DPYSL3: variants seen among roughly 807,000 people sequenced by gnomAD.
DPYSL3 encodes dihydropyrimidinase-related protein 3.
Under a neutral mutation model 66.1 loss-of-function variants are expected in DPYSL3, and 16 were observed. The observed-to-expected ratio is 0.24, with a 90% CI of 0.16 to 0.37. DPYSL3 has a LOEUF of 0.37. Ranked by LOEUF, DPYSL3 falls within the 10% of genes least tolerant of loss-of-function variation. DPYSL3 has a pLI of 1.00. For missense variants in DPYSL3, 738 were observed against 916.2 expected (o/e 0.81, Z 2.51); for synonymous variants, 338 against 345.1 (o/e 0.98, Z 0.23).
At chr5:147,479,295 T>C (rs1394085082) in intron 1 of DPYSL3, among the ~76,000 whole-genome samples, 2 of 152,192 alleles carry the variant, frequency 1.3e-5, no homozygotes, top group African/African-American at 4.8e-5. Flanking sequence ...TAAACCCTGG[T>C]TGTGTCTACT....
chr5:147,393,870 A>C lies in DPYSL3; in HGVS notation c.*165T>G. ...ACAGAAAACAAAGCAATATTCGTAA[A>C]GCTAGGCAAGCGAGCGTAACATTGG... On this transcript the variant is annotated 3_prime_UTR_variant, in exon 14 of 14. Coordinates refer to ENST00000343218, the MANE Select transcript of DPYSL3 (RefSeq NM_001197294.2). The C allele has an allele frequency of 1.4e-6, 1 of 705,736 alleles. No homozygotes were observed. The allele number at this position is 705,736 out of a possible 1,614,324, so 43.7% of individuals were successfully genotyped here.
chr5:147,480,706 T>TATATATA (rs953765443), intron 1 of DPYSL3, among the ~76,000 whole-genome samples: 1 of 42,538 alleles, frequency 2.4e-5, no homozygotes, highest in African/African-American at 1.0e-4. Flanking sequence ...TATATATATA[T>TATATATA]TATTATTATT....
Position 147,509,961 on chromosome 5 carries a change from C to G in DPYSL3, c.-103G>C. The stretch of plus-strand genomic sequence containing the variant: ...CCACAGTGACTGTGGCGGGAGGAGG[C>G]GCCTGAGCCTTCGCGCCAGAGGCGG... On this transcript the variant is annotated 5_prime_UTR_variant, in exon 1 of 14. Transcript: ENST00000343218. The surrounding 1 kb of genome is among the most constrained non-coding windows in gnomAD (Gnocchi z 5.3). The G allele has an allele frequency of 7.0e-7, 1 of 1,426,120 alleles. No individual in the cohort carries two copies. Among genetic ancestry groups the G allele is most frequent in the Non-Finnish European group, 9.2e-7 (1 of 1,091,908 alleles). The allele number at this position is 1,426,120 out of a possible 1,614,324, so 88.3% of individuals were successfully genotyped here. A position where few individuals can be genotyped will look rare whatever the true frequency, so the allele number is the denominator to read the frequency against.
intron 1 of DPYSL3, among the ~76,000 whole-genome samples, chr5:147,429,409 A>T (rs74608424): frequency 6.6e-6 from 1 of 152,044 alleles, no homozygotes; most frequent in Non-Finnish European, 1.5e-5. Flanking sequence ...CTCTCAGAGC[A>T]TCGTTTTTTT....
In DPYSL3 at chr5:147,393,797, G is replaced by A; in HGVS notation, c.*238C>T. 1 of 536,458 alleles carries A rather than the reference G, an allele frequency of 1.9e-6. No individual in the cohort carries two copies. The highest frequency in any genetic ancestry group is 3.4e-6 in the Non-Finnish European group (1 of 298,222). 33.2% of individuals were successfully genotyped at this position (536,458 alleles called of 1,614,324 possible). A position where few individuals can be genotyped will look rare whatever the true frequency, so the allele number is the denominator to read the frequency against. ...ACCTTAGTGGCCTGTCTGATTGCAT[G>A]CATGTAAATGGGGGGAGGGGAGTCA... On this transcript the variant is annotated 3_prime_UTR_variant, in exon 14 of 14. Coordinates refer to ENST00000343218, the MANE Select transcript of DPYSL3 (RefSeq NM_001197294.2).
chr5:147,491,544 T>G (rs1374964831), intron 1 of DPYSL3, among the ~76,000 whole-genome samples: 1 of 151,912 alleles, frequency 6.6e-6, no homozygotes, highest in Non-Finnish European at 1.5e-5. Context: ...GTAGAAAAAG[T>G]AGACAACATG....
In DPYSL3 at chr5:147,499,784, G is replaced by A. The variant is rs55842442; in HGVS notation, c.381+9694C>T. On this transcript the variant is annotated intron_variant, in intron 1 of 13. Coordinates refer to ENST00000343218, the MANE Select transcript of DPYSL3 (RefSeq NM_001197294.2). ...AAATAACAAAATCAGAGGACTGACA[G>A]TACCAACTTTAAAACTTACAAGAAA... 2.6e-3 allele frequency among the ~76,000 whole-genome samples: 394 copies of A among 152,228 alleles called. 1 individual carries two copies. Among genetic ancestry groups the A allele is most frequent in the Admixed American group, 4.3e-3 (66 of 15,290 alleles).
At chr5:147,417,179 C>A (rs1751987432) in intron 3 of DPYSL3, among the ~76,000 whole-genome samples, 1 of 152,136 alleles carries the variant, frequency 6.6e-6, no homozygotes, top group Admixed American at 6.5e-5. Context: ...TGCAGATGGC[C>A]AAGCATAATA....
intron 5 of DPYSL3, among the ~76,000 whole-genome samples, chr5:147,413,278 G>A (rs1029744677): frequency 6.6e-6 from 1 of 152,148 alleles, no homozygotes; most frequent in Admixed American, 6.5e-5. Flanking sequence ...TCCTGCAGGC[G>A]AAGAGCCTCA....
chr5:147,410,712 G>A (rs1751834792), intron 6 of DPYSL3, among the ~76,000 whole-genome samples: 1 of 152,168 alleles, frequency 6.6e-6, no homozygotes, highest in Admixed American at 6.5e-5. Context: ...ATCCTTGTTT[G>A]TACCCAAAGG....
intron 8 of DPYSL3, among the ~76,000 whole-genome samples, chr5:147,403,014 A>G (rs1758237834): frequency 6.6e-6 from 1 of 152,196 alleles, no homozygotes; most frequent in Admixed American, 6.5e-5. Flanking sequence ...TTTGCACTCT[A>G]TGGCCAGGAT....
intron 2 of DPYSL3, among the ~76,000 whole-genome samples, chr5:147,419,150 C>T (rs1181931820): frequency 6.6e-6 from 1 of 152,098 alleles, no homozygotes; most frequent in Non-Finnish European, 1.5e-5. Context: ...TATTTCCCAC[C>T]TAAGTCTTCA....
chr5:147,476,698 G>A (rs897371246), intron 1 of DPYSL3, among the ~76,000 whole-genome samples: 3 of 152,102 alleles, frequency 2.0e-5, no homozygotes, highest in African/African-American at 7.2e-5. Context: ...ATTTTTCTTG[G>A]CCAATGTTCT....
chr5:147,409,126 A>G (rs1446561312), intron 6 of DPYSL3, among the ~76,000 whole-genome samples: 3 of 152,132 alleles, frequency 2.0e-5, no homozygotes, highest in African/African-American at 7.2e-5. Context: ...TGCTTATCTC[A>G]TTTGTTTATT....
chr5:147,453,635 C>T (rs758969737), intron 1 of DPYSL3: 1 of 1,515,096 alleles, frequency 6.6e-7, no homozygotes, highest in South Asian at 1.3e-5. Flanking sequence ...CCTTCTTCTG[C>T]TCCGGCTCGC....
At chr5:147,493,578 A>G (rs571548018) in intron 1 of DPYSL3, among the ~76,000 whole-genome samples, 1 of 152,214 alleles carries the variant, frequency 6.6e-6, no homozygotes, top group African/African-American at 2.4e-5. Flanking sequence ...TGTCTAAAAA[A>G]AAAGAAAGAA....
At chr5:147,397,913 G>C (rs1418674767) in intron 11 of DPYSL3, 68 bp from the exon 12 acceptor site, 1 of 1,417,654 alleles carries the variant, frequency 7.1e-7, no homozygotes, top group Non-Finnish European at 9.4e-7. Context: ...TTCTCTCCTT[G>C]AGACCTTCAG....
At chr5:147,453,481 G>C in intron 1 of DPYSL3, 1 of 1,492,108 alleles carries the variant, frequency 6.7e-7, no homozygotes. Flanking sequence ...GATCCGAGCC[G>C]ACCCCGCCCG....
intron 10 of DPYSL3, among the ~76,000 whole-genome samples, chr5:147,399,683 C>A (rs114433805): frequency 1.2e-3 from 181 of 152,230 alleles, no homozygotes; most frequent in African/African-American, 4.3e-3. Flanking sequence ...AATGGGTTCC[C>A]TGGGTTGTGG....
Sources: gnomAD v4.1 joint callset for allele counts (sites outside exome capture counted in the v4.1 genomes callset) on GRCh38, gnomAD v4.1.1 for gene constraint, Gnocchi (gnomAD v3.1) non-coding constraint, MANE v1.5 for transcripts, NCBI Gene and HGNC (gene_info 2026-07-23, HGNC 2026-07-21) for gene names.